Variants in CSMD1 observed in about 807,000 individuals in gnomAD.
CSMD1 encodes the protein CUB and Sushi multiple domains 1.
Under a neutral mutation model 417.5 loss-of-function variants are expected in CSMD1, and 213 were observed. The observed-to-expected ratio is 0.51, with a 90% CI of 0.46 to 0.57. The LOEUF is 0.57. CSMD1 is among the 20% of genes least tolerant of loss of function. The probability of loss-of-function intolerance (pLI) is 0.00; values close to 1 mark genes in which losing one functional copy is unlikely to be tolerated. For missense variants in CSMD1, 6,923 were observed against 4,529.7 expected, an observed-to-expected ratio of 1.53 and a Z score of -15.17; for synonymous variants, 2,862 against 1,736.8, an observed-to-expected ratio of 1.65 and a Z score of -16.11.
chr8:3,624,765 C>G (rs1426637270), intron 7 of CSMD1, among the ~76,000 whole-genome samples: 1 of 152,202 alleles, frequency 6.6e-6, no homozygotes, highest in Non-Finnish European at 1.5e-5. Context: ...CTGCTTTACT[C>G]AGTTTGAAAT....
chr8:3,982,293 T>A (rs1813945122), intron 5 of CSMD1, among the ~76,000 whole-genome samples: 1 of 151,660 alleles, frequency 6.6e-6, no homozygotes, highest in South Asian at 2.1e-4. Context: ...ATTCCTGAGT[T>A]GTGTGATACA....
chr8:4,192,383 C>G (rs929780259), intron 3 of CSMD1, among the ~76,000 whole-genome samples: 3 of 152,102 alleles, frequency 2.0e-5, no homozygotes, highest in Non-Finnish European at 2.9e-5. Flanking sequence ...TTCTCTTGCT[C>G]TCTTTGGCTA....
intron 28 of CSMD1, among the ~76,000 whole-genome samples, chr8:3,220,074 G>C (rs943488682): frequency 4.8e-5 from 7 of 147,102 alleles, no homozygotes; most frequent in Non-Finnish European, 1.0e-4. Context: ...GAGGCCAGGA[G>C]TCTGAGGCTG....
At chr8:3,312,610 G>T (rs933989590) in intron 23 of CSMD1, among the ~76,000 whole-genome samples, 1 of 152,106 alleles carries the variant, frequency 6.6e-6, no homozygotes, top group African/African-American at 2.4e-5. Flanking sequence ...CTTTACAATG[G>T]GAAGTAGCAT....
intron 3 of CSMD1, among the ~76,000 whole-genome samples, chr8:4,409,179 T>A (rs1038069698): frequency 5.0e-4 from 76 of 152,198 alleles, no homozygotes; most frequent in African/African-American, 1.7e-3. Context: ...AATGGGAGAT[T>A]TTTAAAAAAT....
chr8:3,924,677 A>G (rs1398704211), intron 5 of CSMD1, among the ~76,000 whole-genome samples: 1 of 151,990 alleles, frequency 6.6e-6, no homozygotes, highest in Non-Finnish European at 1.5e-5. Context: ...CAGTGTAATC[A>G]TTGTTCTCTT....
chr8:3,287,982 T>C (rs561699323), intron 25 of CSMD1, among the ~76,000 whole-genome samples: 2 of 147,104 alleles, frequency 1.4e-5, no homozygotes, highest in Admixed American at 6.7e-5. Context: ...GTCCCATCAA[T>C]ACCTTATTTA....
At chr8:4,289,736 T>C (rs1269829225) in intron 3 of CSMD1, among the ~76,000 whole-genome samples, 1 of 152,168 alleles carries the variant, frequency 6.6e-6, no homozygotes, top group East Asian at 1.9e-4. Context: ...TACTGGGTAA[T>C]GCATTGTGAA....
chr8:3,723,400 A>C (rs1430479037), intron 6 of CSMD1, among the ~76,000 whole-genome samples: 1 of 152,244 alleles, frequency 6.6e-6, no homozygotes, highest in Non-Finnish European at 1.5e-5. Flanking sequence ...ATCATAGGAC[A>C]GAGAACACAT....
intron 3 of CSMD1, among the ~76,000 whole-genome samples, chr8:4,305,752 C>A (rs1402522579): frequency 6.6e-6 from 1 of 152,168 alleles, no homozygotes; most frequent in African/African-American, 2.4e-5. Context: ...GCCGTAGACA[C>A]TACTGATCTG....
At chr8:4,310,708 A>G (rs1449560635) in intron 3 of CSMD1, among the ~76,000 whole-genome samples, 2 of 152,214 alleles carry the variant, frequency 1.3e-5, no homozygotes, top group African/African-American at 4.8e-5. Flanking sequence ...AACCTGCAAG[A>G]CACGCAAGCA....
intron 3 of CSMD1, among the ~76,000 whole-genome samples, chr8:4,158,390 T>A (rs562574195): frequency 6.6e-6 from 1 of 152,164 alleles, no homozygotes; most frequent in South Asian, 2.1e-4. Flanking sequence ...CAGCCACTAG[T>A]GCGGTCATCA....
intron 3 of CSMD1, among the ~76,000 whole-genome samples, chr8:4,147,276 G>C (rs976838179): frequency 2.6e-5 from 4 of 152,028 alleles, no homozygotes; most frequent in African/African-American, 4.8e-5. Context: ...CCTCACCTGC[G>C]TAATTCCATA....
chr8:4,577,814 A>G (rs1309751297), intron 2 of CSMD1, among the ~76,000 whole-genome samples: 1 of 152,192 alleles, frequency 6.6e-6, no homozygotes, highest in Non-Finnish European at 1.5e-5. Flanking sequence ...ATTTAGAGCT[A>G]CATTCCTTGG....
intron 20 of CSMD1, among the ~76,000 whole-genome samples, chr8:3,363,997 A>G (rs1418177225): frequency 6.6e-6 from 1 of 152,346 alleles, no homozygotes; most frequent in South Asian, 2.1e-4. Flanking sequence ...ATCAGGAAAC[A>G]CTGCTTTAAT....
At chr8:3,902,813 A>G (rs2129134560) in intron 5 of CSMD1, among the ~76,000 whole-genome samples, 1 of 152,282 alleles carries the variant, frequency 6.6e-6, no homozygotes, top group South Asian at 2.1e-4. Context: ...GAATTAAATT[A>G]CATAATGCAC....
intron 7 of CSMD1, among the ~76,000 whole-genome samples, chr8:3,666,326 A>G (rs1353843584): frequency 1.3e-5 from 2 of 152,238 alleles, no homozygotes; most frequent in Non-Finnish European, 1.5e-5. Flanking sequence ...CTTCAAAAGC[A>G]ACTTAAATGA....
At chr8:3,886,186 A>T (rs1232510292) in intron 5 of CSMD1, among the ~76,000 whole-genome samples, 1 of 152,080 alleles carries the variant, frequency 6.6e-6, no homozygotes, top group Non-Finnish European at 1.5e-5. Context: ...AGTAGGTGGG[A>T]TTACAGGTGT....
At chr8:3,376,874 C>T (rs1199215031) in intron 18 of CSMD1, among the ~76,000 whole-genome samples, 2 of 152,048 alleles carry the variant, frequency 1.3e-5, no homozygotes, top group African/African-American at 2.4e-5. Flanking sequence ...ACGAAAAACC[C>T]ATGGGGTTTA....
Sources: allele counts gnomAD v4.1 joint callset (sites outside exome capture counted in the v4.1 genomes callset), GRCh38; gene constraint gnomAD v4.1.1; transcripts MANE v1.5; gene names NCBI Gene and HGNC (gene_info 2026-07-23, HGNC 2026-07-21).